RBFOX3: variants seen among roughly 807,000 people sequenced by gnomAD.
The protein encoded by RBFOX3 is RNA binding protein fox-1 homolog 3.
RBFOX3 carries 17 observed loss-of-function variants against 48.7 expected under a neutral mutation model. The ratio of observed to expected loss-of-function variants is 0.35; its 90% CI spans 0.24 to 0.52. RBFOX3 has a LOEUF of 0.52. Among genes scored for constraint, RBFOX3 ranks in the 20% least tolerant of loss-of-function variants. RBFOX3 has a pLI of 0.94. For synonymous variants in RBFOX3, 212 were observed against 209.5 expected (o/e 1.01, Z -0.10); for missense variants, 382 against 497.5 (o/e 0.77, Z 2.21).
At chr17:79,237,150 T>C (rs1358757393) in intron 3 of RBFOX3, among the ~76,000 whole-genome samples, 1 of 152,166 alleles carries the variant, frequency 6.6e-6, no homozygotes, top group Non-Finnish European at 1.5e-5. Flanking sequence ...TGCATATGTG[T>C]ATGTGTGCGT....
intron 1 of RBFOX3, among the ~76,000 whole-genome samples, chr17:79,544,741 C>T (rs1178123886): frequency 2.0e-5 from 3 of 151,890 alleles, no homozygotes; most frequent in African/African-American, 4.8e-5. Context: ...GCCGCCTCCT[C>T]GAAGCTCTTA....
At chr17:79,520,294 C>A (rs1230671075) in intron 1 of RBFOX3, among the ~76,000 whole-genome samples, 1 of 152,204 alleles carries the variant, frequency 6.6e-6, no homozygotes, top group Admixed American at 6.5e-5. Context: ...GGGACGCAGG[C>A]TGCTCCCCGT....
chr17:79,332,563 G>A (rs2080488697), intron 2 of RBFOX3, among the ~76,000 whole-genome samples: 1 of 123,022 alleles, frequency 8.1e-6, no homozygotes, highest in Non-Finnish European at 1.8e-5. Flanking sequence ...AAGTGTGGGG[G>A]CGTGGGGAGA....
rs183406000 is a variant in RBFOX3, at chr17:79,466,183, G to T, written c.-175+16271C>A. The stretch of plus-strand genomic sequence containing the variant: ...AAGATCTCTCCAGCATGTCAGGTGG[G>T]ACTGGGCCCCAGCGGCCTCCTCCCT... On this transcript the variant is annotated intron_variant, in intron 2 of 14. Transcript: ENST00000693108. Among the ~76,000 whole-genome samples the T allele has an allele frequency of 5.1e-4, 78 of 152,320 alleles. 1 individual carries two copies. In the East Asian group the frequency reaches 0.013, roughly 25 times the overall value.
At chr17:79,108,614 T>C (rs928853970) in intron 5 of RBFOX3, among the ~76,000 whole-genome samples, 9 of 152,238 alleles carry the variant, frequency 5.9e-5, no homozygotes, top group African/African-American at 1.9e-4. Context: ...GCTTGGTCCC[T>C]CGACTCCTGT....
chr17:79,177,308 C>G (rs1041299723), intron 4 of RBFOX3, among the ~76,000 whole-genome samples: 1 of 152,200 alleles, frequency 6.6e-6, no homozygotes, highest in Non-Finnish European at 1.5e-5. Flanking sequence ...CAGAAGGGCA[C>G]GTGGGCTATC....
chr17:79,467,298 CCTT>C (rs2076446744), intron 2 of RBFOX3, among the ~76,000 whole-genome samples: 1 of 152,124 alleles, frequency 6.6e-6, no homozygotes, highest in Non-Finnish European at 1.5e-5. Flanking sequence ...GAGTAGCGTG[CCTT>C]CCTCAGAGAT....
At chr17:79,155,835 C>T (rs1478225988) in intron 4 of RBFOX3, among the ~76,000 whole-genome samples, 2 of 152,210 alleles carry the variant, frequency 1.3e-5, no homozygotes, top group African/African-American at 2.4e-5. Flanking sequence ...ACGCACTCCC[C>T]TCCCGATGGT....
At position 79,418,789 on chromosome 17, in the gene RBFOX3, A is replaced by C. The variant is rs189891226; in HGVS notation, c.-175+63665T>G. 3.2e-4 allele frequency among the ~76,000 whole-genome samples: 49 copies of C among 152,114 alleles called. No individual in the cohort carries two copies. Among genetic ancestry groups the C allele is most frequent in the African/African-American group, 1.2e-3 (49 of 41,516 alleles). On this transcript the variant is annotated intron_variant, in intron 2 of 14. Transcript: ENST00000693108. This position sits in a 1 kb window ranked among gnomAD's most constrained non-coding sequence, Gnocchi z 5.0. ...ATTCCTTCCCAAAAAGTGAGGGAGG[A>C]CATGGCACGGAAGACCCAGCCCCTT...
chr17:79,264,973 G>T lies in RBFOX3; in HGVS notation c.-73-29168C>A, dbSNP rs1014509464. Among the ~76,000 whole-genome samples the T allele has an allele frequency of 1.3e-5, 2 of 151,962 alleles. 1 individual carries two copies. Among genetic ancestry groups the T allele is most frequent in the Non-Finnish European group, 2.9e-5 (2 of 67,994 alleles). On this transcript the variant is annotated intron_variant, in intron 3 of 14. Transcript: ENST00000693108. The stretch of plus-strand genomic sequence containing the variant: ...ACCCTCAGTGCGAGAGGAGGGGGGG[G>T]GGGCGCAGATTTGTGGCGATCATAA...
In RBFOX3 at chr17:79,477,106, G is replaced by A. The variant is rs765941626; in HGVS notation, c.-175+5348C>T. On this transcript the variant is annotated intron_variant, in intron 2 of 14. Transcript: ENST00000693108. This position sits in a 1 kb window ranked among gnomAD's most constrained non-coding sequence, Gnocchi z 4.8. ...AAATTAGCCAGGCGTGGTGGTGGGC[G>A]CCTGTAATCCCAGTTACTCGGGAAG... Among the ~76,000 whole-genome samples the A allele has an allele frequency of 1.1e-3, 173 of 151,432 alleles. No homozygotes were observed. Among genetic ancestry groups the A allele is most frequent in the South Asian group, 5.1e-3 (24 of 4,752 alleles).
rs1014106605 is a variant in RBFOX3, at chr17:79,393,600, C to T, written c.-174-85776G>A. Among the ~76,000 whole-genome samples the T allele has an allele frequency of 1.3e-4, 20 of 152,080 alleles. 1 individual carries two copies. Among genetic ancestry groups the T allele is most frequent in the African/African-American group, 9.7e-5 (4 of 41,368 alleles). On this transcript the variant is annotated intron_variant, in intron 2 of 14. Transcript: ENST00000693108. The stretch of plus-strand genomic sequence containing the variant: ...GCTGGTCATCAATGAACATCTGAGC[C>T]AGTCATCACATACATCGGAGCCGGT...
At chr17:79,608,543 G>A (rs1355683527) in intron 1 of RBFOX3, among the ~76,000 whole-genome samples, 2 of 152,196 alleles carry the variant, frequency 1.3e-5, no homozygotes, top group African/African-American at 4.8e-5. Flanking sequence ...CCGTGCAAGC[G>A]CAAACAGCCC....
At chr17:79,598,443 T>C (rs1285112755) in intron 1 of RBFOX3, 1 of 152,234 alleles carries the variant, frequency 6.6e-6, no homozygotes. Context: ...TTAAGGACCT[T>C]AACTTAGAAT....
chr17:79,336,448 C>A (rs1356977976), intron 2 of RBFOX3, among the ~76,000 whole-genome samples: 1 of 151,904 alleles, frequency 6.6e-6, no homozygotes, highest in African/African-American at 2.4e-5. Flanking sequence ...ATAAATCCCA[C>A]TGTTCCAGGT....
At chr17:79,386,468 C>T (rs909011132) in intron 2 of RBFOX3, among the ~76,000 whole-genome samples, 2 of 152,234 alleles carry the variant, frequency 1.3e-5, no homozygotes, top group African/African-American at 2.4e-5. Context: ...AGTCCAAAGT[C>T]GACAGCTAGT....
the RBFOX3 span, among the ~76,000 whole-genome samples, chr17:79,636,841 T>C: frequency 6.6e-6 from 1 of 152,146 alleles, no homozygotes; most frequent in East Asian, 1.9e-4. Context: ...GTAAATAGAC[T>C]AAATTCTCCA....
chr17:79,090,982 A>C (rs1038253895), intron 14 of RBFOX3, 97 bp from the exon 15 acceptor site: 1 of 1,284,300 alleles, frequency 7.8e-7, no homozygotes, highest in South Asian at 1.4e-5. Context: ...CCCCTGGCCT[A>C]AAGTCCTGGC....
chr17:79,113,365 A>T (rs996086962), intron 5 of RBFOX3, among the ~76,000 whole-genome samples: 1 of 152,070 alleles, frequency 6.6e-6, no homozygotes, highest in Non-Finnish European at 1.5e-5. Context: ...TTCGTGGGGC[A>T]CCACGCCGAT....
Sources: allele counts gnomAD v4.1 joint callset (sites outside exome capture counted in the v4.1 genomes callset), GRCh38; gene constraint gnomAD v4.1.1; non-coding constraint Gnocchi (gnomAD v3.1); transcripts MANE v1.5; gene names NCBI Gene and HGNC (gene_info 2026-07-23, HGNC 2026-07-21).